Variants in PTPRM observed in about 807,000 individuals in gnomAD.
The protein encoded by PTPRM is protein tyrosine phosphatase receptor type M, also known as receptor-type tyrosine-protein phosphatase mu.
PTPRM carries 47 observed loss-of-function variants against 186.7 expected under a neutral mutation model. The observed-to-expected ratio is 0.25, with a 90% CI of 0.20 to 0.32. The LOEUF is 0.32. Ranked by LOEUF, PTPRM falls within the 10% of genes least tolerant of loss-of-function variation. PTPRM has a pLI of 1.00. For missense variants in PTPRM, 1,494 were observed against 1,865.0 expected (o/e 0.80, Z 3.66); for synonymous variants, 668 against 674.9 (o/e 0.99, Z 0.16).
chr18:7,844,880 G>T (rs555344324), intron 2 of PTPRM, among the ~76,000 whole-genome samples: 39 of 152,148 alleles, frequency 2.6e-4, no homozygotes, highest in African/African-American at 8.2e-4. Flanking sequence ...AAATCCTATG[G>T]ATCTCCTGTG....
chr18:7,652,870 T>A (rs923858016), intron 1 of PTPRM, among the ~76,000 whole-genome samples: 11 of 151,886 alleles, frequency 7.2e-5, no homozygotes, highest in South Asian at 4.2e-4. Context: ...AACCTGCACA[T>A]TGTGCACATG....
chr18:7,813,241 T>C (rs364418), intron 2 of PTPRM, among the ~76,000 whole-genome samples: 102,984 of 152,144 alleles, frequency 0.68, 36,023 homozygotes, highest in East Asian at 0.95. Context: ...ACAGTAGATG[T>C]ACATTAGTGT....
At chr18:8,394,785 T>C (rs1317091010) in intron 32 of PTPRM, among the ~76,000 whole-genome samples, 174 bp downstream of exon 32, 1 of 152,184 alleles carries the variant, frequency 6.6e-6, no homozygotes, top group African/African-American at 2.4e-5. Flanking sequence ...TCCCTCTTCC[T>C]CTCTTTGTTC....
At chr18:8,157,845 G>A (rs576925725) in intron 14 of PTPRM, among the ~76,000 whole-genome samples, 9 of 152,178 alleles carry the variant, frequency 5.9e-5, no homozygotes, top group Non-Finnish European at 1.3e-4. Flanking sequence ...AGACCCAGAC[G>A]CAGCAAGGTG....
intron 1 of PTPRM, among the ~76,000 whole-genome samples, chr18:7,766,878 C>T (rs868757900): frequency 6.6e-6 from 1 of 152,090 alleles, no homozygotes; most frequent in Non-Finnish European, 1.5e-5. Context: ...TGATGCTTGC[C>T]TTTAGAATTT....
At chr18:8,324,140 G>A (rs1013697904) in intron 22 of PTPRM, among the ~76,000 whole-genome samples, 4 of 152,054 alleles carry the variant, frequency 2.6e-5, no homozygotes, top group African/African-American at 9.7e-5. Flanking sequence ...CATACTTAGG[G>A]GTTAACAAAA....
chr18:7,864,724 T>C (rs753071247), intron 2 of PTPRM, among the ~76,000 whole-genome samples: 20 of 152,204 alleles, frequency 1.3e-4, no homozygotes, highest in Non-Finnish European at 2.8e-4. Context: ...TTTTTTCTAA[T>C]TCTGTGAAGA....
At chr18:7,728,925 CTTTT>C (rs113386099) in intron 1 of PTPRM, among the ~76,000 whole-genome samples, 1 of 138,608 alleles carries the variant, frequency 7.2e-6, no homozygotes. Flanking sequence ...TTCCTCCAAC[CTTTT>C]TTTTTTTTTT....
In PTPRM at chr18:8,134,545, T is replaced by A. The variant is rs574494970; in HGVS notation, c.2168-9102T>A. Among the ~76,000 whole-genome samples the A allele has an allele frequency of 2.6e-5, 4 of 152,306 alleles. No homozygotes were observed. The East Asian group carries it at 7.7e-4, about 29-fold the overall frequency. Reference sequence around the variant, plus strand: ...CTTTGATTCCTTTTCCTCATCCACATGATGACTAGTATATCATGCTCCAGG... The same window carrying A: ...CTTTGATTCCTTTTCCTCATCCACAAGATGACTAGTATATCATGCTCCAGG... On this transcript the variant is annotated intron_variant, in intron 13 of 32. Coordinates refer to ENST00000580170, the MANE Select transcript of PTPRM (RefSeq NM_001105244.2).
At chr18:7,705,011 T>G (rs1352514102) in intron 1 of PTPRM, among the ~76,000 whole-genome samples, 1 of 152,138 alleles carries the variant, frequency 6.6e-6, no homozygotes, top group Non-Finnish European at 1.5e-5. Flanking sequence ...TTTAAGCATT[T>G]AGCTACCAAG....
At chr18:8,285,267 T>C (rs1185506816) in intron 19 of PTPRM, among the ~76,000 whole-genome samples, 3 of 152,098 alleles carry the variant, frequency 2.0e-5, no homozygotes, top group Non-Finnish European at 4.4e-5. Flanking sequence ...AAAAAGCAAA[T>C]TCAGTAACCT....
rs373373611 is a variant in PTPRM, at chr18:7,936,844, C to T, written c.663+10161C>T. 4.4e-4 allele frequency among the ~76,000 whole-genome samples: 67 copies of T among 152,280 alleles called. 1 individual carries two copies. The highest frequency in any genetic ancestry group is 1.5e-3 in the African/African-American group (62 of 41,562). The stretch of plus-strand genomic sequence containing the variant: ...TGAAATCCATGGACTCAGCCAGACT[C>T]GAGCACTCAGGCCGACCTGCCTGGA... On this transcript the variant is annotated intron_variant, in intron 5 of 32. Coordinates refer to ENST00000580170, the MANE Select transcript of PTPRM (RefSeq NM_001105244.2).
intron 1 of PTPRM, among the ~76,000 whole-genome samples, chr18:7,709,977 G>A (rs561868913): frequency 1.3e-5 from 2 of 152,240 alleles, no homozygotes; most frequent in East Asian, 3.9e-4. Context: ...GACATTCAAA[G>A]AAAAATTGGT....
intron 17 of PTPRM, among the ~76,000 whole-genome samples, chr18:8,249,902 C>G (rs1409966814): frequency 6.6e-6 from 1 of 152,072 alleles, no homozygotes; most frequent in Admixed American, 6.5e-5. Context: ...ATATAGGTAC[C>G]AAATGGTAGT....
intron 1 of PTPRM, chr18:7,741,680 T>A (rs1317948765): frequency 6.6e-6 from 1 of 152,194 alleles, no homozygotes. Context: ...CAAATAAATC[T>A]TAAGGAATTT....
At chr18:8,119,201 C>T (rs1479783536) in intron 13 of PTPRM, among the ~76,000 whole-genome samples, 1 of 152,006 alleles carries the variant, frequency 6.6e-6, no homozygotes, top group Non-Finnish European at 1.5e-5. Context: ...CTTGAGGAAA[C>T]TTTGAAGGAT....
intron 14 of PTPRM, among the ~76,000 whole-genome samples, chr18:8,237,061 C>T (rs1373996945): frequency 1.3e-5 from 2 of 152,094 alleles, no homozygotes; most frequent in African/African-American, 4.8e-5. Context: ...CTAGAGTTCA[C>T]ATATGTTTAC....
chr18:7,716,026 G>A (rs893207256), intron 1 of PTPRM, among the ~76,000 whole-genome samples: 1 of 152,148 alleles, frequency 6.6e-6, no homozygotes, highest in African/African-American at 2.4e-5. Flanking sequence ...AATTTCACAT[G>A]GAACCAAAAA....
chr18:8,211,679 A>G (rs1372273136), intron 14 of PTPRM, among the ~76,000 whole-genome samples: 1 of 152,106 alleles, frequency 6.6e-6, no homozygotes. Flanking sequence ...CTGGGATTAC[A>G]GGCGTGAGCC....
Sources: gnomAD v4.1 joint callset for allele counts (sites outside exome capture counted in the v4.1 genomes callset) on GRCh38, gnomAD v4.1.1 for gene constraint, MANE v1.5 for transcripts, NCBI Gene and HGNC (gene_info 2026-07-23, HGNC 2026-07-21) for gene names.